The following RDX variants were observed in gnomAD, a reference collection of about 807,000 sequenced individuals.
RDX encodes radixin, also known as deafness, autosomal recessive 24.
RDX carries 32 observed loss-of-function variants against 83.7 expected under a neutral mutation model. The observed-to-expected ratio is 0.38, with a 90% CI of 0.29 to 0.51. RDX has a LOEUF of 0.51. Among genes scored for constraint, RDX ranks in the 20% least tolerant of loss-of-function variants. The probability of loss-of-function intolerance (pLI) is 0.87; values close to 1 mark genes in which losing one functional copy is unlikely to be tolerated. For synonymous variants in RDX, 229 were observed against 222.7 expected (o/e 1.03, Z -0.25); for missense variants, 600 against 689.9 (o/e 0.87, Z 1.46).
At chr11:110,198,690 C>G (rs947275801) in intron 15 of RDX, among the ~76,000 whole-genome samples, 4 of 152,142 alleles carry the variant, frequency 2.6e-5, no homozygotes, top group Admixed American at 2.0e-4. Flanking sequence ...CCTCCACCCC[C>G]CAACCCCACT....
intron 2 of RDX, among the ~76,000 whole-genome samples, chr11:110,279,113 T>G (rs1011384570): frequency 1.3e-5 from 2 of 152,204 alleles, no homozygotes; most frequent in African/African-American, 4.8e-5. Context: ...TTTAACAATG[T>G]TACCATTTAC....
At chr11:110,296,118 G>A (rs923695418) in intron 1 of RDX, among the ~76,000 whole-genome samples, 17 of 152,320 alleles carry the variant, frequency 1.1e-4, no homozygotes, top group South Asian at 6.2e-4. Context: ...ACCGTCCCCA[G>A]GGCGCTGGGG....
downstream of RDX, among the ~76,000 whole-genome samples, chr11:110,226,849 TTAAG>T (rs757649789): frequency 5.3e-5 from 8 of 152,100 alleles, no homozygotes; most frequent in Admixed American, 3.3e-4. Context: ...GAAATGAAAA[TTAAG>T]TAATTTATCA....
chr11:110,190,036 T>G (rs945189338), intron 15 of RDX, among the ~76,000 whole-genome samples: 13 of 151,914 alleles, frequency 8.6e-5, no homozygotes, highest in African/African-American at 2.9e-4. Flanking sequence ...TGAGCCGAGA[T>G]CGTGCCATTG....
Position 110,290,383 on chromosome 11 carries a change from G to A in RDX, c.-65+6084C>T, listed in dbSNP as rs371642306. On this transcript the variant is annotated intron_variant, in intron 1 of 13. Transcript: ENST00000645495. ...ATAAAAAAGCCGGGAGTGGTGGCAA[G>A]CTCCTATAGTTCCAGCTACTTGGGA... Among the ~76,000 whole-genome samples the A allele has an allele frequency of 2.6e-4, 39 of 152,102 alleles. 1 individual carries two copies. Among genetic ancestry groups the A allele is most frequent in the African/African-American group, 8.0e-4 (33 of 41,472 alleles).
chr11:110,212,335 A>G (rs1227118113), intron 14 of RDX, among the ~76,000 whole-genome samples: 1 of 145,078 alleles, frequency 6.9e-6, no homozygotes, highest in East Asian at 2.1e-4. Context: ...AAATTGTGGC[A>G]ATAATCAATA....
chr11:110,265,951 T>C (rs1030643247), intron 3 of RDX, among the ~76,000 whole-genome samples: 3 of 152,178 alleles, frequency 2.0e-5, no homozygotes, highest in Non-Finnish European at 4.4e-5. Flanking sequence ...ATAATACTTA[T>C]GGACAGAGAT....
intron 2 of RDX, chr11:110,273,219 C>A (rs1419855794): frequency 6.7e-5 from 23 of 344,502 alleles, no homozygotes; most frequent in Admixed American, 2.7e-4. Context: ...CCTCCAAAAA[C>A]AAAGCAAAAC....
chr11:110,189,031 C>T lies in RDX; in HGVS notation c.*31+10550G>A, dbSNP rs1004707234. 7.3e-5 allele frequency among the ~76,000 whole-genome samples: 11 copies of T among 151,708 alleles called. No homozygotes were observed. In the South Asian group the frequency reaches 2.3e-3, roughly 32 times the overall value. ...ACATTGAATGTCAATGTTCTGAATG[C>T]CCCACGTAAAAAGCACAGAGTGACA... On this transcript the variant is annotated intron_variant, in intron 15 of 15. Coordinates refer to the RDX transcript ENST00000528498.
intron 15 of RDX, among the ~76,000 whole-genome samples, chr11:110,177,207 C>A (rs1231073177): frequency 6.6e-6 from 1 of 152,236 alleles, no homozygotes; most frequent in East Asian, 1.9e-4. Context: ...AACGGTGAGA[C>A]TCCAACCACT....
At chr11:110,265,500 ATAT>A (rs922957125) in intron 3 of RDX, among the ~76,000 whole-genome samples, 8 of 27,268 alleles carry the variant, frequency 2.9e-4, no homozygotes, top group Admixed American at 1.4e-3. Flanking sequence ...AGTCTTGAAA[ATAT>A]ATATATATAT....
At chr11:110,235,827 T>C (rs563998966) in intron 12 of RDX, among the ~76,000 whole-genome samples, 1 of 152,324 alleles carries the variant, frequency 6.6e-6, no homozygotes, top group South Asian at 2.1e-4. Context: ...TCCCAATCTT[T>C]TGTACCCCCA....
At position 110,289,013 on chromosome 11, in the gene RDX, G is replaced by A. The variant is rs575271787; in HGVS notation, c.-65+7454C>T. ...AGCACTGTGGGAGGCCCAGGTGAGC[G>A]GATCACCTGAGGTTGGGAGTTCGAG... On this transcript the variant is annotated intron_variant, in intron 1 of 13. Coordinates refer to ENST00000645495, the MANE Select transcript of RDX (RefSeq NM_002906.4). Among the ~76,000 whole-genome samples, 22 of 152,170 alleles carry A rather than the reference G, an allele frequency of 1.4e-4. No homozygotes were observed. The South Asian group carries it at 2.5e-3, about 17-fold the overall frequency.
intron 14 of RDX, among the ~76,000 whole-genome samples, chr11:110,213,137 G>GTC (rs1423341055): frequency 4.6e-5 from 7 of 152,120 alleles, no homozygotes; most frequent in Non-Finnish European, 1.0e-4. Context: ...CTTCAGCAAA[G>GTC]TCTCAGGATA....
intron 15 of RDX, among the ~76,000 whole-genome samples, chr11:110,177,775 C>T (rs12363857): frequency 0.19 from 28,738 of 151,986 alleles, 2,897 homozygotes; most frequent in Middle Eastern, 0.3. Context: ...TGAGACACCG[C>T]ATCCGGCCTG....
intron 14 of RDX, among the ~76,000 whole-genome samples, chr11:110,207,939 T>C (rs557286529): frequency 1.4e-3 from 206 of 152,086 alleles, no homozygotes; most frequent in Non-Finnish European, 1.9e-3. Flanking sequence ...TCATTTTAAT[T>C]ACACACAGGC....
chr11:110,284,531 T>A (rs1860899352), intron 1 of RDX, among the ~76,000 whole-genome samples: 1 of 151,988 alleles, frequency 6.6e-6, no homozygotes, highest in African/African-American at 2.4e-5. Flanking sequence ...TTATTATTTT[T>A]TTTTTTTTTG....
intron 5 of RDX, among the ~76,000 whole-genome samples, chr11:110,259,914 A>G (rs1396372097): frequency 6.6e-6 from 1 of 151,364 alleles, no homozygotes; most frequent in Non-Finnish European, 1.5e-5. Flanking sequence ...CTCAATTTCC[A>G]TACCTGACAT....
rs558278990 is a variant in RDX, at chr11:110,243,612, G to A, written c.1090+4091C>T. Among the ~76,000 whole-genome samples the A allele has an allele frequency of 7.9e-5, 12 of 152,196 alleles. 1 individual carries two copies. The highest frequency in any genetic ancestry group is 2.4e-4 in the African/African-American group (10 of 41,512). Reference sequence around the variant, plus strand: ...GCACATCTGTAATCCCAGCTACTCAGAAGGCTGAGGTATGAGAATCGCTTG... The same window carrying A: ...GCACATCTGTAATCCCAGCTACTCAAAAGGCTGAGGTATGAGAATCGCTTG... On this transcript the variant is annotated intron_variant, in intron 10 of 13. Coordinates refer to ENST00000645495, the MANE Select transcript of RDX (RefSeq NM_002906.4).
Sources: gnomAD v4.1 joint callset for allele counts (sites outside exome capture counted in the v4.1 genomes callset) on GRCh38, gnomAD v4.1.1 for gene constraint, MANE v1.5 for transcripts, NCBI Gene and HGNC (gene_info 2026-07-23, HGNC 2026-07-21) for gene names.